The following ROBO2 variants were observed in gnomAD, a reference collection of about 807,000 sequenced individuals.
ROBO2 encodes the protein roundabout guidance receptor 2, also known as roundabout homolog 2.
ROBO2 carries 53 observed loss-of-function variants against 160.8 expected under a neutral mutation model. The ratio of observed to expected loss-of-function variants is 0.33; its 90% CI spans 0.26 to 0.41. The LOEUF (loss-of-function observed/expected upper bound fraction) is 0.41, where lower values mean the gene tolerates loss of function less well. Among genes scored for constraint, ROBO2 ranks in the 10% least tolerant of loss-of-function variants. The probability of loss-of-function intolerance (pLI) is 1.00; values close to 1 mark genes in which losing one functional copy is unlikely to be tolerated. For missense variants in ROBO2, 1,577 were observed against 1,722.4 expected, an observed-to-expected ratio of 0.92 and a Z score of 1.49; for synonymous variants, 664 against 611.7, an observed-to-expected ratio of 1.09 and a Z score of -1.26.
Position 76,406,522 on chromosome 3 carries a change from A to G in ROBO2, c.109+468920A>G, listed in dbSNP as rs141578655. Among the ~76,000 whole-genome samples the G allele has an allele frequency of 5.6e-3, 849 of 151,874 alleles. 15 individuals carry two copies. Among genetic ancestry groups the G allele is most frequent in the Non-Finnish European group, 3.7e-3 (249 of 67,786 alleles). On this transcript the variant is annotated intron_variant, in intron 2 of 26. Coordinates refer to the ROBO2 transcript ENST00000487694. Reference sequence around the variant, plus strand: ...GGTAAGTGATTTGATAAGGAATAGGACAAGAGGGAAGGAGTGGTTACACTT... The same window carrying G: ...GGTAAGTGATTTGATAAGGAATAGGGCAAGAGGGAAGGAGTGGTTACACTT...
At chr3:77,337,305 GA>G (rs1388020192) in intron 2 of ROBO2, among the ~76,000 whole-genome samples, 5 of 152,028 alleles carry the variant, frequency 3.3e-5, no homozygotes, top group Admixed American at 2.0e-4. Context: ...TTCTTCTTTG[GA>G]AAGAAAACCT....
intron 2 of ROBO2, among the ~76,000 whole-genome samples, chr3:76,266,458 TA>T (rs1223597687): frequency 6.6e-6 from 1 of 152,138 alleles, no homozygotes; most frequent in African/African-American, 2.4e-5. Flanking sequence ...TGCCCTTTCA[TA>T]AAAAGTTTGC....
chr3:76,859,956 A>G (rs932466665), intron 2 of ROBO2, among the ~76,000 whole-genome samples: 13 of 152,224 alleles, frequency 8.5e-5, no homozygotes, highest in Non-Finnish European at 1.9e-4. Context: ...AGTGTTGTTC[A>G]TCACTTCTTG....
At chr3:77,175,129 T>G (rs2150779056) in intron 2 of ROBO2, among the ~76,000 whole-genome samples, 1 of 152,148 alleles carries the variant, frequency 6.6e-6, no homozygotes, top group Middle Eastern at 3.4e-3. Flanking sequence ...ATGTGGAAAC[T>G]GAGTCAAAGA....
chr3:77,523,781 C>T (rs1392657343), intron 6 of ROBO2, among the ~76,000 whole-genome samples: 1 of 151,374 alleles, frequency 6.6e-6, no homozygotes, highest in African/African-American at 2.4e-5. Flanking sequence ...CTTTCTCCCA[C>T]TGCTAACTGT....
At chr3:77,583,176 G>GAAAA (rs2093963899) in intron 16 of ROBO2, among the ~76,000 whole-genome samples, 2 of 143,332 alleles carry the variant, frequency 1.4e-5, no homozygotes, top group African/African-American at 5.3e-5. Context: ...AAAAAAAAAG[G>GAAAA]AAAAAACATT....
chr3:76,769,673 A>G (rs1306208273), intron 2 of ROBO2, among the ~76,000 whole-genome samples: 1 of 151,476 alleles, frequency 6.6e-6, no homozygotes, highest in African/African-American at 2.4e-5. Context: ...GGACTTCACA[A>G]TGAGCTATCC....
At chr3:76,284,161 A>G (rs756180326) in intron 2 of ROBO2, among the ~76,000 whole-genome samples, 1 of 152,044 alleles carries the variant, frequency 6.6e-6, no homozygotes, top group Non-Finnish European at 1.5e-5. Flanking sequence ...TTATTTAGAT[A>G]CTTTCAATTA....
At chr3:76,192,026 A>G (rs1287514066) in intron 2 of ROBO2, among the ~76,000 whole-genome samples, 1 of 152,066 alleles carries the variant, frequency 6.6e-6, no homozygotes, top group Admixed American at 6.6e-5. Context: ...TAGAAAAATT[A>G]TTGGTTTCCA....
chr3:77,294,897 G>A (rs2061857347), intron 2 of ROBO2, among the ~76,000 whole-genome samples: 1 of 151,644 alleles, frequency 6.6e-6, no homozygotes, highest in Admixed American at 6.6e-5. Flanking sequence ...CAGTTAAACA[G>A]GTAAGCTGAG....
Position 76,103,598 on chromosome 3 carries a change from T to C in ROBO2, c.109+165996T>C, listed in dbSNP as rs116754128. 5.4e-3 allele frequency among the ~76,000 whole-genome samples: 818 copies of C among 152,288 alleles called. 11 individuals carry two copies. Among genetic ancestry groups the C allele is most frequent in the African/African-American group, 0.019 (791 of 41,556 alleles). Reference sequence around the variant, plus strand: ...TTATACTGATTACGTTTACAGACTGTCCACGTACATACTGGACCACAGACA... The same window carrying C: ...TTATACTGATTACGTTTACAGACTGCCCACGTACATACTGGACCACAGACA... On this transcript the variant is annotated intron_variant, in intron 2 of 26. Coordinates refer to the ROBO2 transcript ENST00000487694.
chr3:77,107,787 T>G (rs28444944), intron 2 of ROBO2, among the ~76,000 whole-genome samples: 3 of 152,088 alleles, frequency 2.0e-5, no homozygotes, highest in Non-Finnish European at 4.4e-5. Context: ...ATCACATTTT[T>G]TGTGTGTGAT....
chr3:75,979,111 C>T (rs1489812104), intron 2 of ROBO2, among the ~76,000 whole-genome samples: 1 of 151,472 alleles, frequency 6.6e-6, no homozygotes, highest in East Asian at 1.9e-4. Flanking sequence ...GACCACTTAA[C>T]TAATCTATAG....
intron 2 of ROBO2, among the ~76,000 whole-genome samples, chr3:77,354,524 G>C (rs781698579): frequency 6.6e-6 from 1 of 152,076 alleles, no homozygotes; most frequent in Non-Finnish European, 1.5e-5. Context: ...GGCACCTCTG[G>C]GAAACCAAAG....
chr3:76,580,353 T>G (rs371295231), intron 2 of ROBO2, among the ~76,000 whole-genome samples: 1,185 of 112,252 alleles, frequency 0.011, 22 homozygotes, highest in African/African-American at 0.024. Flanking sequence ...TTTTTTTTTT[T>G]GTTTTTTTTT....
At chr3:76,417,936 C>G (rs1012490267) in intron 2 of ROBO2, among the ~76,000 whole-genome samples, 7 of 151,810 alleles carry the variant, frequency 4.6e-5, no homozygotes, top group Non-Finnish European at 1.0e-4. Flanking sequence ...TTTGCCATTA[C>G]TTTCAATGGC....
intron 2 of ROBO2, among the ~76,000 whole-genome samples, chr3:76,976,440 C>A (rs564988614): frequency 6.6e-6 from 1 of 152,142 alleles, no homozygotes; most frequent in Admixed American, 6.5e-5. Flanking sequence ...TTTTTACAAA[C>A]CGTATTTGAA....
chr3:76,108,925 A>G (rs1576893868), intron 2 of ROBO2, among the ~76,000 whole-genome samples: 1 of 149,996 alleles, frequency 6.7e-6, no homozygotes, highest in African/African-American at 2.4e-5. Flanking sequence ...ATTACTATTA[A>G]TGTATTGATT....
chr3:76,558,636 G>A (rs1464584510), intron 2 of ROBO2, among the ~76,000 whole-genome samples: 1 of 151,914 alleles, frequency 6.6e-6, no homozygotes, highest in Non-Finnish European at 1.5e-5. Context: ...TTTTTTAGAT[G>A]TTGTACAGAA....
Sources: gnomAD v4.1 joint callset for allele counts (sites outside exome capture counted in the v4.1 genomes callset) on GRCh38, gnomAD v4.1.1 for gene constraint, MANE v1.5 for transcripts, NCBI Gene and HGNC (gene_info 2026-07-23, HGNC 2026-07-21) for gene names.